MED13L: variants seen among roughly 807,000 people sequenced by gnomAD.
The protein encoded by MED13L is mediator of RNA polymerase II transcription subunit 13-like.
In MED13L, 7 loss-of-function variants were observed where a neutral mutation model predicts 220.9. The ratio of observed to expected loss-of-function variants is 0.03; its 90% CI spans 0.02 to 0.06. The LOEUF (loss-of-function observed/expected upper bound fraction) is 0.06. MED13L is among the 10% of genes least tolerant of loss of function. The probability of loss-of-function intolerance (pLI) is 1.00; values close to 1 mark genes in which losing one functional copy is unlikely to be tolerated. For missense variants in MED13L, 1,965 were observed against 2,760.5 expected (o/e 0.71, Z 6.46); for synonymous variants, 1,011 against 1,015.2 (o/e 1.00, Z 0.08).
chr12:116,195,542 C>G (rs979456803), intron 2 of MED13L, among the ~76,000 whole-genome samples: 2 of 152,062 alleles, frequency 1.3e-5, no homozygotes, highest in African/African-American at 4.8e-5. Flanking sequence ...CCTCCGCCTC[C>G]CAGGTTCAAA....
At chr12:116,272,112 T>C (rs1873416386) in intron 1 of MED13L, among the ~76,000 whole-genome samples, 3 of 152,298 alleles carry the variant, frequency 2.0e-5, no homozygotes, top group South Asian at 2.1e-4. Flanking sequence ...AATATGTAAA[T>C]AGTAATATTT....
At chr12:116,260,349 G>T (rs1003777250) in intron 1 of MED13L, among the ~76,000 whole-genome samples, 4 of 152,154 alleles carry the variant, frequency 2.6e-5, no homozygotes, top group Admixed American at 2.6e-4. Context: ...GTTCTGAAGC[G>T]CATATGTCCA....
chr12:116,188,915 C>T (rs1593145684), intron 2 of MED13L, among the ~76,000 whole-genome samples: 1 of 152,104 alleles, frequency 6.6e-6, no homozygotes, highest in Non-Finnish European at 1.5e-5. Context: ...CCTTTTGTTA[C>T]CCAGTAGTAT....
intron 28 of MED13L, among the ~76,000 whole-genome samples, chr12:115,968,182 A>C (rs768431900): frequency 2.6e-5 from 4 of 150,972 alleles, no homozygotes; most frequent in Non-Finnish European, 5.9e-5. Flanking sequence ...CAAAGTCTTA[A>C]CTCCCCAGTC....
intron 8 of MED13L, among the ~76,000 whole-genome samples, chr12:116,014,455 ACTC>A (rs1879604507): frequency 6.6e-6 from 1 of 152,148 alleles, no homozygotes; most frequent in African/African-American, 2.4e-5. Flanking sequence ...GTACTTATTG[ACTC>A]CTGTTTGTCA....
intron 4 of MED13L, among the ~76,000 whole-genome samples, chr12:116,072,585 G>A (rs1036719552): frequency 1.8e-4 from 27 of 152,120 alleles, no homozygotes; most frequent in Admixed American, 7.9e-4. Flanking sequence ...CTCAGTAGCT[G>A]GGATCACAGG....
At chr12:116,141,872 T>C (rs1439086737) in intron 2 of MED13L, among the ~76,000 whole-genome samples, 1 of 152,134 alleles carries the variant, frequency 6.6e-6, no homozygotes, top group African/African-American at 2.4e-5. Context: ...GGTTCCACTC[T>C]GGTCTTTAGC....
chr12:115,984,120 T>C (rs1877523728), intron 20 of MED13L, 60 bp downstream of exon 20: 4 of 1,521,472 alleles, frequency 2.6e-6, no homozygotes, highest in South Asian at 1.1e-5. Flanking sequence ...AAAGAAGGGA[T>C]GGGACGGATT....
At chr12:116,271,070 A>G (rs1225755283) in intron 1 of MED13L, among the ~76,000 whole-genome samples, 16 of 150,666 alleles carry the variant, frequency 1.1e-4, no homozygotes, top group Non-Finnish European at 8.9e-5. Context: ...AAAAAAAAGA[A>G]AGAAAATTAT....
At chr12:116,123,190 CTT>C (rs897556581) in intron 2 of MED13L, among the ~76,000 whole-genome samples, 3 of 152,156 alleles carry the variant, frequency 2.0e-5, no homozygotes, top group African/African-American at 7.2e-5. Flanking sequence ...TCCTTTACCT[CTT>C]TGAGTATTTT....
chr12:116,007,013 A>C, intron 11 of MED13L: 1 of 288,454 alleles, frequency 3.5e-6, no homozygotes, highest in Non-Finnish European at 6.7e-6. Context: ...AGCGCTCAGC[A>C]CAGTAAGGAT....
At chr12:116,093,229 T>C (rs1415117700) in intron 4 of MED13L, among the ~76,000 whole-genome samples, 1 of 152,126 alleles carries the variant, frequency 6.6e-6, no homozygotes, top group Admixed American at 6.5e-5. Flanking sequence ...AACAGAAATT[T>C]TGTATGTTTG....
At chr12:116,244,494 G>A (rs764660366) in intron 1 of MED13L, among the ~76,000 whole-genome samples, 3 of 152,172 alleles carry the variant, frequency 2.0e-5, no homozygotes, top group Non-Finnish European at 4.4e-5. Flanking sequence ...CTGATAAGGA[G>A]ATTTACAATA....
At chr12:116,132,846 G>A (rs1221304342) in intron 2 of MED13L, among the ~76,000 whole-genome samples, 14 of 151,878 alleles carry the variant, frequency 9.2e-5, no homozygotes, top group African/African-American at 3.1e-4. Context: ...CTTGAAACAG[G>A]GAGGCAGAGG....
chr12:116,075,273 C>A (rs1214378428), intron 4 of MED13L, among the ~76,000 whole-genome samples: 1 of 152,114 alleles, frequency 6.6e-6, no homozygotes, highest in East Asian at 1.9e-4. Context: ...GTTATTTATC[C>A]CCATGTATCT....
intron 23 of MED13L, among the ~76,000 whole-genome samples, chr12:115,977,509 T>C (rs565556104): frequency 1.6e-4 from 24 of 152,330 alleles, no homozygotes; most frequent in African/African-American, 4.8e-4. Context: ...TACATATTCA[T>C]AGCAGCATTA....
intron 1 of MED13L, among the ~76,000 whole-genome samples, chr12:116,240,043 T>C (rs1465949959): frequency 1.3e-5 from 2 of 152,178 alleles, no homozygotes; most frequent in Non-Finnish European, 2.9e-5. Context: ...ATTATACCAC[T>C]AGTAGTAGTA....
chr12:116,245,430 T>C (rs1437450240), intron 1 of MED13L, among the ~76,000 whole-genome samples: 1 of 151,980 alleles, frequency 6.6e-6, no homozygotes, highest in African/African-American at 2.4e-5. Flanking sequence ...AGTCCACCAT[T>C]CCTAAACATG....
chr12:115,959,674 C>T lies in MED13L; in HGVS notation c.*1592G>A, dbSNP rs1460526028. 2.0e-5 allele frequency: 3 copies of T among 152,642 alleles called. No homozygotes were observed. The highest frequency in any genetic ancestry group is 7.2e-5 in the African/African-American group (3 of 41,532). 9.5% of individuals were successfully genotyped at this position (152,642 alleles called of 1,614,324 possible). On this transcript the variant is annotated 3_prime_UTR_variant, in exon 31 of 31. Transcript: ENST00000281928. ...CCTATACATTGCGAAAGTCAACCCC[C>T]CCTTCAACTGGTGGTACAGAGAACA...
Sources: gnomAD v4.1 joint callset for allele counts (sites outside exome capture counted in the v4.1 genomes callset) on GRCh38, gnomAD v4.1.1 for gene constraint, MANE v1.5 for transcripts, NCBI Gene and HGNC (gene_info 2026-07-23, HGNC 2026-07-21) for gene names.